Variants in FER observed in about 807,000 individuals in gnomAD.
The protein encoded by FER is tyrosine-protein kinase Fer.
FER carries 63 observed loss-of-function variants against 111.0 expected under a neutral mutation model. The ratio of observed to expected loss-of-function variants is 0.57; its 90% CI spans 0.46 to 0.70. The LOEUF (loss-of-function observed/expected upper bound fraction) is 0.70. FER is among the 30% of genes least tolerant of loss of function. The probability of loss-of-function intolerance (pLI) is 0.00; values close to 1 mark genes in which losing one functional copy is unlikely to be tolerated. For missense variants in FER, 914 were observed against 954.0 expected (o/e 0.96, Z 0.55); for synonymous variants, 327 against 313.9 (o/e 1.04, Z -0.44).
rs1385193930 is a variant in FER at position 109,188,001 on chromosome 5, C to A, written c.*426C>A. 6.3e-6 allele frequency: 1 copy of A among 159,292 alleles called. No individual in the cohort carries two copies. The highest frequency in any genetic ancestry group is 1.4e-5 in the Non-Finnish European group (1 of 73,604). The allele number at this position is 159,292 out of a possible 1,614,324, so 9.9% of individuals were successfully genotyped here. A position where few individuals can be genotyped will look rare whatever the true frequency, so the allele number is the denominator to read the frequency against. On this transcript the variant is annotated 3_prime_UTR_variant, in exon 20 of 20. Transcript: ENST00000281092. Reference sequence around the variant, plus strand: ...CCATGTTTGCAGGACATGTTCCAACCACAGCTGGCTTTCACCTCTGCCAAA... The same window carrying A: ...CCATGTTTGCAGGACATGTTCCAACAACAGCTGGCTTTCACCTCTGCCAAA...
At chr5:109,065,887 A>G (rs983457477) in intron 16 of FER, among the ~76,000 whole-genome samples, 1 of 152,214 alleles carries the variant, frequency 6.6e-6, no homozygotes, top group African/African-American at 2.4e-5. Context: ...TAATAAATGT[A>G]CCTACAAAAT....
chr5:109,072,505 G>A (rs543084735), intron 16 of FER, among the ~76,000 whole-genome samples: 2 of 151,768 alleles, frequency 1.3e-5, no homozygotes, highest in South Asian at 4.2e-4. Context: ...TTGTTACAAC[G>A]AAAAATAAAT....
At position 109,166,009 on chromosome 5, in the gene FER, T is replaced by C. The variant is rs553351232; in HGVS notation, c.2049-14738T>C. ...GCATCCAGCAGTCTATCAGGGTTGG[T>C]TGGGAAAATTTCCAGCTATAGTTGT... is the stretch of plus-strand genomic sequence containing the variant. On this transcript the variant is annotated intron_variant, in intron 17 of 19. Transcript: ENST00000281092. 6.8e-4 allele frequency among the ~76,000 whole-genome samples: 104 copies of C among 152,240 alleles called. 2 individuals are homozygous for C. Among genetic ancestry groups the C allele is most frequent in the African/African-American group, 2.3e-3 (94 of 41,568 alleles).
Position 108,883,430 on chromosome 5 carries a change from C to T in FER, c.958C>T (p.Gln320Ter). 1 of 1,608,808 alleles carries T rather than the reference C, an allele frequency of 6.2e-7. No individual in the cohort carries two copies. Among genetic ancestry groups the T allele is most frequent in the Non-Finnish European group, 8.5e-7 (1 of 1,176,638 alleles). Residue 320 changes from glutamine (Q) to a stop codon, truncating the protein, a stop_gained, in exon 9 of 20, where the codon CAG (glutamine) becomes TAG (stop). Transcript: ENST00000281092. LOFTEE classifies it high-confidence loss of function. ...GTTAGCGGAAGAACTTATGCAAACA[C>T]AGCAGATGCTTTTAAACAAGGAGGA... is the stretch of plus-strand genomic sequence containing the variant. ...KTLAEELMQT[Q>*]QMLLNKEEAV... is the part of the protein sequence containing the mutation.
intron 17 of FER, among the ~76,000 whole-genome samples, chr5:109,171,755 C>G (rs1757112685): frequency 6.6e-6 from 1 of 152,168 alleles, no homozygotes; most frequent in Admixed American, 6.6e-5. Context: ...GCCATCAATA[C>G]TGAGACTAAC....
At chr5:108,800,933 G>C (rs1046298911) in intron 3 of FER, among the ~76,000 whole-genome samples, 2 of 152,166 alleles carry the variant, frequency 1.3e-5, no homozygotes, top group African/African-American at 2.4e-5. Flanking sequence ...TGTAGTCCCA[G>C]CTACTTGGGA....
At chr5:108,923,249 G>A (rs1753271367) in intron 10 of FER, among the ~76,000 whole-genome samples, 1 of 151,908 alleles carries the variant, frequency 6.6e-6, no homozygotes, top group Admixed American at 6.6e-5. Flanking sequence ...TGATGGACGT[G>A]ATATAAAGAA....
At chr5:108,775,506 A>G (rs1753390775) in intron 2 of FER, among the ~76,000 whole-genome samples, 1 of 152,220 alleles carries the variant, frequency 6.6e-6, no homozygotes, top group Non-Finnish European at 1.5e-5. Context: ...TTTAAATATC[A>G]GTACTTCAAA....
At chr5:109,152,074 C>T (rs1430188824) in intron 17 of FER, among the ~76,000 whole-genome samples, 7 of 151,884 alleles carry the variant, frequency 4.6e-5, no homozygotes, top group African/African-American at 1.2e-4. Context: ...AGTTTAATTC[C>T]AGGAAAAATT....
At chr5:108,772,280 C>T (rs754441321) in intron 2 of FER, among the ~76,000 whole-genome samples, 27 of 103,376 alleles carry the variant, frequency 2.6e-4, no homozygotes, top group Non-Finnish European at 4.9e-4. Flanking sequence ...TGCAGTGGTT[C>T]GTATTCAGAT....
chr5:108,918,761 A>G (rs1362445993), intron 10 of FER, among the ~76,000 whole-genome samples: 1 of 152,140 alleles, frequency 6.6e-6, no homozygotes, highest in African/African-American at 2.4e-5. Flanking sequence ...TGCTGGGATT[A>G]CAGGCGTGAG....
chr5:108,924,090 C>G (rs911452268), intron 10 of FER, among the ~76,000 whole-genome samples: 13 of 151,860 alleles, frequency 8.6e-5, no homozygotes, highest in Non-Finnish European at 1.6e-4. Context: ...GTGCAGTAAG[C>G]TCACACCTGT....
chr5:108,819,207 G>C (rs1758585108), intron 3 of FER, among the ~76,000 whole-genome samples: 1 of 135,072 alleles, frequency 7.4e-6, no homozygotes, highest in Non-Finnish European at 1.6e-5. Flanking sequence ...TTAATTTTTA[G>C]AGCTGGGATC....
rs1761573010 is a variant in FER, at chr5:108,844,064, A to G, written c.481+8257A>G. Among the ~76,000 whole-genome samples the G allele has an allele frequency of 2.7e-5, 4 of 148,838 alleles. No individual in the cohort carries two copies. In the South Asian group the frequency reaches 8.3e-4, roughly 31 times the overall value. On this transcript the variant is annotated intron_variant, in intron 5 of 19. Coordinates refer to ENST00000281092, the MANE Select transcript of FER (RefSeq NM_005246.4). ...AACATATATATGTGTGTGAACATAT[A>G]TATGTGTGTGAACATATATGCGTGT...
intron 5 of FER, among the ~76,000 whole-genome samples, chr5:108,845,015 T>G (rs1375741901): frequency 8.6e-4 from 45 of 52,570 alleles, no homozygotes; most frequent in Non-Finnish European, 1.3e-3. Flanking sequence ...TATATATATA[T>G]ATATATATAT....
chr5:109,187,880 T>C lies in FER; in HGVS notation c.*305T>C. ...GAAGGATAAAAGATCTATCCTATCC[T>C]TTTCACACCTTGTTTCTACTTCAGG... On this transcript the variant is annotated 3_prime_UTR_variant, in exon 20 of 20. Transcript: ENST00000281092. The C allele has an allele frequency of 9.4e-6, 3 of 319,252 alleles. No homozygotes were observed. The highest frequency in any genetic ancestry group is 8.0e-5 in the East Asian group (1 of 12,434). 19.8% of individuals were successfully genotyped at this position (319,252 alleles called of 1,614,324 possible).
intron 13 of FER, among the ~76,000 whole-genome samples, chr5:109,027,811 A>G (rs540595625): frequency 5.3e-5 from 8 of 152,296 alleles, no homozygotes; most frequent in African/African-American, 1.9e-4. Context: ...TTTATTTAAA[A>G]TGACTACATT....
intron 16 of FER, among the ~76,000 whole-genome samples, chr5:109,078,181 AT>A (rs1180638159): frequency 1.3e-5 from 2 of 152,128 alleles, no homozygotes; most frequent in Non-Finnish European, 1.5e-5. Flanking sequence ...TGAAAGACAT[AT>A]GTGCCACTAG....
chr5:108,854,652 C>T (rs563382403), intron 5 of FER, among the ~76,000 whole-genome samples: 10 of 152,174 alleles, frequency 6.6e-5, no homozygotes, highest in East Asian at 1.9e-4. Flanking sequence ...GAAAGTAGAG[C>T]GGGCTGGACG....
Sources: gnomAD v4.1 joint callset for allele counts (sites outside exome capture counted in the v4.1 genomes callset) on GRCh38, gnomAD v4.1.1 for gene constraint, MANE v1.5 for transcripts, NCBI Gene and HGNC (gene_info 2026-07-23, HGNC 2026-07-21) for gene names.